Variants in KRT73 observed in about 807,000 individuals in gnomAD.
KRT73 encodes keratin, type II cytoskeletal 73.
KRT73 carries 44 observed loss-of-function variants against 47.2 expected under a neutral mutation model. That is an observed-to-expected ratio of 0.93 (90% confidence interval 0.73 to 1.20). The LOEUF is 1.20. Ranked by LOEUF, KRT73 falls within the 50% of genes most tolerant of loss-of-function variation. The pLI, the probability that KRT73 is intolerant of heterozygous loss-of-function variation, is 0.00. For missense variants in KRT73, 713 were observed against 704.5 expected (o/e 1.01, Z -0.14); for synonymous variants, 285 against 291.3 (o/e 0.98, Z 0.22).
chr12:52,617,956 G>T, intron 1 of KRT73, 122 bp downstream of exon 1: 1 of 1,140,588 alleles, frequency 8.8e-7, no homozygotes. Flanking sequence ...CCTGGTGTCT[G>T]ATTTTGCTGG....
the KRT73 span, among the ~76,000 whole-genome samples, chr12:52,628,782 T>C: frequency 6.6e-6 from 1 of 152,048 alleles, no homozygotes; most frequent in African/African-American, 2.4e-5. Flanking sequence ...TTTGGATGCA[T>C]GAGGGAGAAA....
rs370826162 is a variant in KRT73 at position 52,608,402 on chromosome 12, C to A, written c.1417G>T (p.Gly473Ter). 8 of 1,612,406 alleles carry A rather than the reference C, an allele frequency of 5.0e-6. No individual in the cohort carries two copies. Among genetic ancestry groups the A allele is most frequent in the East Asian group, 2.2e-5 (1 of 44,884 alleles). ...CCGTAGGTGCCAGCATTGCTGAATC[C>A]AAAGCCAGCCCCTGTGCCTGCCATC... The part of the protein sequence containing the change: ...AGMAGTGAGF[G>*]FSNAGTYGYW... Residue 473 changes from glycine to a stop codon, truncating the protein, a stop_gained, in exon 9 of 9, where the codon GGA becomes TGA. Transcript: ENST00000305748. LOFTEE classifies it low-confidence loss of function (END_TRUNC).
chr12:52,629,570 G>C, the KRT73 span, among the ~76,000 whole-genome samples: 1 of 152,220 alleles, frequency 6.6e-6, no homozygotes, highest in African/African-American at 2.4e-5. Context: ...CCAGCTGCCT[G>C]GCCAAAGGCT....
chr12:52,610,548 C>CCCCCCCCCCCCCCCG, intron 7 of KRT73, 67 bp downstream of exon 7: 3 of 987,978 alleles, frequency 3.0e-6, no homozygotes, highest in Non-Finnish European at 4.4e-6. Flanking sequence ...CCCCCGCCCC[C>CCCCCCCCCCCCCCCG]AACCACACTC....
chr12:52,617,214 C>T (rs920656813), intron 1 of KRT73, among the ~76,000 whole-genome samples: 9 of 152,212 alleles, frequency 5.9e-5, no homozygotes, highest in African/African-American at 1.9e-4. Context: ...CCTCACCACC[C>T]TACCTCACTG....
chr12:52,609,401 C>G, intron 7 of KRT73, 120 bp from the exon 8 acceptor site: 1 of 806,882 alleles, frequency 1.2e-6, no homozygotes, highest in Non-Finnish European at 2.2e-6. Context: ...GCACCCCACA[C>G]TTGCCAGATG....
rs374040181 is a variant in KRT73 at position 52,609,235 on chromosome 12, T to A, written c.1366+12A>T. The A allele has an allele frequency of 6.2e-7, 1 of 1,611,422 alleles. No individual in the cohort carries two copies. The highest frequency in any genetic ancestry group is 2.2e-5 in the East Asian group (1 of 44,862). Reference sequence around the variant, plus strand: ...GACTAAAAGTATTCCCTCAGAGTCATGAAATACTCACAAATGCTCACGGAG... The same window carrying A: ...GACTAAAAGTATTCCCTCAGAGTCAAGAAATACTCACAAATGCTCACGGAG... On this transcript the variant is annotated intron_variant, in intron 8 of 8. Transcript: ENST00000305748.
intron 7 of KRT73, 84 bp downstream of exon 7, chr12:52,610,531 C>G: frequency 5.6e-5 from 10 of 179,020 alleles, no homozygotes; most frequent in South Asian, 3.0e-4. Context: ...AGCTCGCCGC[C>G]CCCTCCCCCC....
At chr12:52,626,131 C>T in the KRT73 span, among the ~76,000 whole-genome samples, 27,928 of 152,176 alleles carry the variant, frequency 0.18, 3,347 homozygotes, top group Non-Finnish European at 0.25. Context: ...GTACATCTTG[C>T]AATGTTTACT....
At chr12:52,626,729 A>C in the KRT73 span, among the ~76,000 whole-genome samples, 5 of 152,330 alleles carry the variant, frequency 3.3e-5, no homozygotes, top group East Asian at 9.7e-4. Flanking sequence ...GTAAGCAAGC[A>C]TTCTTGCCAT....
rs143427676 is a variant in KRT73, at chr12:52,616,288, C to G, written c.540G>C (p.Glu180Asp). 6.8e-6 allele frequency: 11 copies of G among 1,614,222 alleles called. No individual in the cohort carries two copies. In the African/African-American group the frequency reaches 1.5e-4, roughly 22 times the overall value. The change falls in exon 2 of 9, where the codon GAG (glutamate) becomes GAC (aspartate). Residue 180 changes from glutamate to aspartate, a missense_variant. Transcript: ENST00000305748. ...LDLNNCKNNL[E>D]PILEGYISNL... ...TGCTGATGTAGCCCTCAAGGATGGG[C>G]TCCAGGTTATTCTTGCAGTTGTTCA... is the stretch of plus-strand genomic sequence containing the variant.
chr12:52,618,417 G>T lies in KRT73; in HGVS notation c.108C>A (p.Gly36=). Residue 36 remains glycine, a synonymous_variant, in exon 1 of 9, where the codon GGC becomes GGA. Coordinates refer to ENST00000305748, the MANE Select transcript of KRT73 (RefSeq NM_175068.3). ...GGSSSSYRAG[G]KGLSGGFSSR... is the part of the protein sequence containing the mutation. ...TGCTGAAGCCTCCACTGAGCCCTTT[G>T]CCCCCTGCTCGGTAGGAGGATGAGC... The T allele has an allele frequency of 6.2e-7, 1 of 1,614,152 alleles. No individual in the cohort carries two copies. Among genetic ancestry groups the T allele is most frequent in the African/African-American group, 1.3e-5 (1 of 75,072 alleles).
chr12:52,611,577 G>T (rs1940704488), intron 5 of KRT73: 1 of 507,418 alleles, frequency 2.0e-6, no homozygotes, highest in Non-Finnish European at 3.5e-6. Context: ...CTCTCCATAT[G>T]GCAACTTTAT....
intron 8 of KRT73, 109 bp from the exon 9 acceptor site, chr12:52,608,561 C>A: frequency 1.1e-6 from 1 of 941,826 alleles, no homozygotes; most frequent in African/African-American, 1.7e-5. Flanking sequence ...CCTTCTTAAG[C>A]AAACACTTCC....
intron 5 of KRT73, among the ~76,000 whole-genome samples, chr12:52,611,585 T>C (rs1244616935): frequency 6.6e-6 from 1 of 152,222 alleles, no homozygotes; most frequent in Non-Finnish European, 1.5e-5. Flanking sequence ...ATGGCAACTT[T>C]ATAACACACT....
rs918115857 is a variant in KRT73, at chr12:52,616,313, A to G, written c.515T>C (p.Leu172Pro). The change falls in exon 2 of 9, where the codon CTG becomes CCG. Residue 172 changes from leucine to proline, a missense_variant. Leu to Pro is a moderately conservative substitution (Grantham distance 98). Transcript: ENST00000305748. ...TKWELLQQLDLNNCKNNLEPI... is the reference protein window; with the variant it reads ...TKWELLQQLDPNNCKNNLEPI... ...CTCCAGGTTATTCTTGCAGTTGTTC[A>G]GGTCCAGCTGCTGTAGCAGCTCCCA... 3 of 1,614,174 alleles carry G rather than the reference A, an allele frequency of 1.9e-6. No individual in the cohort carries two copies. The highest frequency in any genetic ancestry group is 2.5e-6 in the Non-Finnish European group (3 of 1,180,040).
In KRT73 at chr12:52,615,262, C is replaced by A. The variant is rs970540403; in HGVS notation, c.723+17G>T. The A allele has an allele frequency of 1.9e-6, 3 of 1,611,510 alleles. No homozygotes were observed. The highest frequency in any genetic ancestry group is 2.7e-5 in the African/African-American group (2 of 74,996). ...CCACTGCTGGGGGACTGAAGGGAAC[C>A]CATGCACCCTCCTCACCTTCTTAAG... On this transcript the variant is annotated intron_variant, in intron 3 of 8. Transcript: ENST00000305748.
upstream of KRT73, chr12:52,618,651 A>G (rs1940861059): frequency 1.0e-5 from 10 of 993,762 alleles, no homozygotes; most frequent in Non-Finnish European, 1.3e-5. Context: ...TTGTGGGTTC[A>G]GTTTGCCTGG....
chr12:52,614,529 A>G, intron 4 of KRT73, 50 bp downstream of exon 4: 1 of 1,484,304 alleles, frequency 6.7e-7, no homozygotes, highest in Non-Finnish European at 9.3e-7. Context: ...TTCATCACAT[A>G]TCTGTCCTTC....
Sources: gnomAD v4.1 joint callset for allele counts (sites outside exome capture counted in the v4.1 genomes callset) on GRCh38, gnomAD v4.1.1 for gene constraint, MANE v1.5 for transcripts, NCBI Gene and HGNC (gene_info 2026-07-23, HGNC 2026-07-21) for gene names.